RGS6: variants seen among roughly 807,000 people sequenced by gnomAD.
RGS6 encodes the protein regulator of G protein signaling 6.
Under a neutral mutation model 78.5 loss-of-function variants are expected in RGS6, and 30 were observed. The observed-to-expected ratio is 0.38, with a 90% CI of 0.29 to 0.52. The LOEUF (loss-of-function observed/expected upper bound fraction) is 0.52. Among genes scored for constraint, RGS6 ranks in the 20% least tolerant of loss-of-function variants. The pLI, the probability that RGS6 is intolerant of heterozygous loss-of-function variation, is 0.85. For missense variants in RGS6, 495 were observed against 609.7 expected (o/e 0.81, Z 1.98); for synonymous variants, 206 against 206.0 (o/e 1.00, Z 0.00).
chr14:72,297,461 A>G lies in RGS6; in HGVS notation c.85-54634A>G, dbSNP rs994028461. On this transcript the variant is annotated intron_variant, in intron 2 of 17. Transcript: ENST00000553525. ...TTTTATACTTTAAGTTTTAGGGTACATGTGCACATTGTGCAGGTTAGTTAC... is the reference window on the plus strand; with the variant it reads ...TTTTATACTTTAAGTTTTAGGGTACGTGTGCACATTGTGCAGGTTAGTTAC... Among the ~76,000 whole-genome samples, 3 of 151,024 alleles carry G rather than the reference A, an allele frequency of 2.0e-5. No homozygotes were observed. In the East Asian group the frequency reaches 5.8e-4, roughly 29 times the overall value.
chr14:72,205,176 A>G (rs923183703), intron 2 of RGS6, among the ~76,000 whole-genome samples: 4 of 152,088 alleles, frequency 2.6e-5, no homozygotes, highest in African/African-American at 9.7e-5. Flanking sequence ...TTGAGCTCCC[A>G]TGTCCTCATC....
intron 14 of RGS6, among the ~76,000 whole-genome samples, 166 bp downstream of exon 14, chr14:72,510,445 ACT>A (rs1374508423): frequency 6.6e-6 from 1 of 152,158 alleles, no homozygotes; most frequent in Non-Finnish European, 1.5e-5. Context: ...AAAATATGTA[ACT>A]CTGTCACCAC....
chr14:72,286,484 C>A (rs1286657459), intron 2 of RGS6, among the ~76,000 whole-genome samples: 1 of 150,902 alleles, frequency 6.6e-6, no homozygotes, highest in African/African-American at 2.4e-5. Context: ...ATTGCTTTGG[C>A]TTTTTGGGGT....
chr14:72,011,986 A>G (rs1257323604), intron 2 of RGS6, among the ~76,000 whole-genome samples: 1 of 152,214 alleles, frequency 6.6e-6, no homozygotes, highest in Non-Finnish European at 1.5e-5. Flanking sequence ...TTAAGGGAAT[A>G]CATGTAATTT....
the RGS6 span, among the ~76,000 whole-genome samples, chr14:71,903,203 G>A: frequency 6.6e-6 from 1 of 152,190 alleles, no homozygotes; most frequent in African/African-American, 2.4e-5. Flanking sequence ...GGAAGCATGT[G>A]TAATTCTTAT....
intron 3 of RGS6, among the ~76,000 whole-genome samples, chr14:72,378,392 A>C (rs2085268938): frequency 6.6e-6 from 1 of 152,150 alleles, no homozygotes; most frequent in Non-Finnish European, 1.5e-5. Context: ...GAAGGAAAAA[A>C]TACAAAAGAT....
intron 2 of RGS6, among the ~76,000 whole-genome samples, chr14:72,165,099 G>C (rs760615330): frequency 2.6e-5 from 4 of 152,194 alleles, no homozygotes; most frequent in Non-Finnish European, 5.9e-5. Context: ...TTCCAAGAAA[G>C]AGCCAGGAAC....
chr14:72,380,046 T>C (rs1264954050), intron 3 of RGS6, among the ~76,000 whole-genome samples: 2 of 138,574 alleles, frequency 1.4e-5, no homozygotes, highest in Non-Finnish European at 3.1e-5. Flanking sequence ...GACAAAGATG[T>C]GAAGAACACT....
chr14:72,265,485 C>G (rs551098487), intron 2 of RGS6, among the ~76,000 whole-genome samples: 1 of 152,094 alleles, frequency 6.6e-6, no homozygotes. Context: ...GTAGGGTTGT[C>G]GTGTTTGTCT....
At chr14:72,576,046 CCATTTGGTTTTT>C in the RGS6 span, among the ~76,000 whole-genome samples, 1 of 152,226 alleles carries the variant, frequency 6.6e-6, no homozygotes, top group African/African-American at 2.4e-5. Flanking sequence ...GAGGCTGCAG[CCATTTGGTTTTT>C]CAGTCATTAG....
At chr14:72,312,583 T>A (rs1028806960) in intron 2 of RGS6, among the ~76,000 whole-genome samples, 18 of 152,226 alleles carry the variant, frequency 1.2e-4, no homozygotes, top group Non-Finnish European at 4.4e-5. Context: ...AGGGAGCTAA[T>A]AATACCTGCC....
intron 2 of RGS6, among the ~76,000 whole-genome samples, chr14:72,147,138 C>T (rs2096616536): frequency 6.6e-6 from 1 of 152,208 alleles, no homozygotes; most frequent in Non-Finnish European, 1.5e-5. Context: ...TTCTTTTCTT[C>T]CTCTGAGTTC....
At chr14:71,869,716 A>G in the RGS6 span, among the ~76,000 whole-genome samples, 2 of 152,192 alleles carry the variant, frequency 1.3e-5, no homozygotes, top group African/African-American at 2.4e-5. Flanking sequence ...ACTTGACACA[A>G]TATAGTTGCC....
At chr14:71,982,239 C>T (rs576767367) in intron 2 of RGS6, among the ~76,000 whole-genome samples, 11 of 152,328 alleles carry the variant, frequency 7.2e-5, no homozygotes, top group African/African-American at 2.4e-4. Flanking sequence ...GCAGAAATCA[C>T]CCGTCTTCTG....
chr14:72,188,816 T>C (rs1216006186), intron 2 of RGS6, among the ~76,000 whole-genome samples: 2 of 152,282 alleles, frequency 1.3e-5, no homozygotes, highest in African/African-American at 4.8e-5. Flanking sequence ...GACACCAATG[T>C]GCCTTAAAAT....
chr14:72,074,210 T>C (rs2094498905), intron 2 of RGS6, among the ~76,000 whole-genome samples: 1 of 152,224 alleles, frequency 6.6e-6, no homozygotes, highest in Non-Finnish European at 1.5e-5. Flanking sequence ...TATTTATTTT[T>C]CTATGAGGCA....
chr14:72,388,430 A>T (rs1418133633), intron 3 of RGS6, among the ~76,000 whole-genome samples: 1 of 152,164 alleles, frequency 6.6e-6, no homozygotes, highest in Non-Finnish European at 1.5e-5. Flanking sequence ...TGCAATAACT[A>T]ATACAGCCAT....
At chr14:72,260,011 A>G (rs1256488527) in intron 2 of RGS6, among the ~76,000 whole-genome samples, 2 of 151,942 alleles carry the variant, frequency 1.3e-5, no homozygotes, top group Non-Finnish European at 2.9e-5. Context: ...TAGTTTACCC[A>G]GAGTATCCAT....
chr14:72,013,546 C>T (rs939870238), intron 2 of RGS6, among the ~76,000 whole-genome samples: 2 of 152,106 alleles, frequency 1.3e-5, no homozygotes, highest in East Asian at 1.9e-4. Context: ...CTTGCCATTT[C>T]GTTTGTGAAC....
Sources: allele counts gnomAD v4.1 joint callset (sites outside exome capture counted in the v4.1 genomes callset), GRCh38; gene constraint gnomAD v4.1.1; transcripts MANE v1.5; gene names NCBI Gene and HGNC (gene_info 2026-07-23, HGNC 2026-07-21).